SMG6: variants seen among roughly 807,000 people sequenced by gnomAD.
SMG6 encodes the protein telomerase-binding protein EST1A.
In SMG6, 66 loss-of-function variants were observed where a neutral mutation model predicts 142.2. The ratio of observed to expected loss-of-function variants is 0.46; its 90% CI spans 0.38 to 0.57. The LOEUF is 0.57. SMG6 is among the 20% of genes least tolerant of loss of function. The pLI, the probability that SMG6 is intolerant of heterozygous loss-of-function variation, is 0.00. For synonymous variants in SMG6, 779 were observed against 702.4 expected, an observed-to-expected ratio of 1.11 and a Z score of -1.72; for missense variants, 1,793 against 1,832.0, an observed-to-expected ratio of 0.98 and a Z score of 0.39.
intron 12 of SMG6, among the ~76,000 whole-genome samples, chr17:2,181,564 G>C (rs935056878): frequency 2.6e-5 from 4 of 152,234 alleles, no homozygotes; most frequent in African/African-American, 9.6e-5. Flanking sequence ...CCACAGCTAC[G>C]GTAACGTATT....
chr17:2,153,209 G>A (rs2070880936), intron 13 of SMG6, among the ~76,000 whole-genome samples: 1 of 152,188 alleles, frequency 6.6e-6, no homozygotes, highest in Non-Finnish European at 1.5e-5. Context: ...TAGTGTTAGT[G>A]TAGTCTATGT....
intron 13 of SMG6, among the ~76,000 whole-genome samples, chr17:2,086,562 C>T (rs977594887): frequency 6.6e-6 from 1 of 152,230 alleles, no homozygotes; most frequent in Non-Finnish European, 1.5e-5. Flanking sequence ...CTGACGTTTA[C>T]GCCAACCTGC....
At chr17:2,080,104 CAAAACAA>C in intron 15 of SMG6, among the ~76,000 whole-genome samples, 2 of 138,490 alleles carry the variant, frequency 1.4e-5, no homozygotes, top group Non-Finnish European at 3.1e-5. Context: ...CAAAACAAAA[CAAAACAA>C]AACAAAACAA....
intron 8 of SMG6, among the ~76,000 whole-genome samples, chr17:2,275,002 T>C (rs1434146801): frequency 3.0e-5 from 3 of 98,700 alleles, no homozygotes; most frequent in Non-Finnish European, 6.0e-5. Context: ...TAAAAAAGCA[T>C]GGGCAAAAAA....
chr17:2,087,735 A>G, intron 13 of SMG6: 1 of 986,678 alleles, frequency 1.0e-6, no homozygotes, highest in Non-Finnish European at 1.2e-6. Flanking sequence ...GCTAAAAGGC[A>G]TTAAAGAACA....
intron 13 of SMG6, among the ~76,000 whole-genome samples, chr17:2,165,315 G>A (rs559528148): frequency 6.6e-6 from 1 of 151,848 alleles, no homozygotes; most frequent in South Asian, 2.1e-4. Context: ...AGACATGAGC[G>A]ATAGCTCTGA....
chr17:2,153,708 T>G (rs1265815739), intron 13 of SMG6, among the ~76,000 whole-genome samples: 8 of 126,028 alleles, frequency 6.3e-5, no homozygotes, highest in Non-Finnish European at 1.6e-5. Flanking sequence ...AACCTGGGGA[T>G]GCATGTAGAG....
chr17:2,113,497 C>T (rs1037712329), intron 13 of SMG6, among the ~76,000 whole-genome samples: 2 of 152,168 alleles, frequency 1.3e-5, no homozygotes, highest in African/African-American at 4.8e-5. Flanking sequence ...TGAACAAAGC[C>T]GGCTTGGGAA....
chr17:2,274,945 G>T (rs2074615426), intron 8 of SMG6, among the ~76,000 whole-genome samples: 1 of 146,244 alleles, frequency 6.8e-6, no homozygotes, highest in Non-Finnish European at 1.5e-5. Context: ...AACATAGCAA[G>T]ACCTTATCTC....
chr17:2,268,911 C>CAAAAAAAA (rs150180102), intron 8 of SMG6, among the ~76,000 whole-genome samples: 1 of 106,208 alleles, frequency 9.4e-6, no homozygotes, highest in Non-Finnish European at 1.9e-5. Flanking sequence ...GACTTCGTCT[C>CAAAAAAAA]AAAAAAAAAA....
At chr17:2,111,321 A>G (rs980057656) in intron 13 of SMG6, among the ~76,000 whole-genome samples, 1 of 152,154 alleles carries the variant, frequency 6.6e-6, no homozygotes, top group African/African-American at 2.4e-5. Flanking sequence ...GCTATTTTAT[A>G]TAAGATGGTG....
At chr17:2,220,558 A>G (rs1422677466) in intron 10 of SMG6, among the ~76,000 whole-genome samples, 2 of 152,204 alleles carry the variant, frequency 1.3e-5, no homozygotes, top group African/African-American at 4.8e-5. Flanking sequence ...TGAGCCCAAG[A>G]GTTCGAGGCT....
chr17:2,088,719 C>G (rs2068633179), intron 13 of SMG6: 30 of 985,414 alleles, frequency 3.0e-5, no homozygotes, highest in Non-Finnish European at 3.4e-5. Flanking sequence ...AGTGCACAGT[C>G]TGAGCTCTTT....
chr17:2,093,679 C>T (rs774804478), intron 13 of SMG6, among the ~76,000 whole-genome samples: 1 of 152,110 alleles, frequency 6.6e-6, no homozygotes, highest in Non-Finnish European at 1.5e-5. Context: ...GCTGTTGAAG[C>T]TGCAAAAAAA....
At chr17:2,084,865 C>T (rs751252097) in intron 14 of SMG6, among the ~76,000 whole-genome samples, 2 of 152,236 alleles carry the variant, frequency 1.3e-5, no homozygotes, top group African/African-American at 4.8e-5. Flanking sequence ...CACCCAGACA[C>T]ACAGCAGGGC....
intron 13 of SMG6, among the ~76,000 whole-genome samples, chr17:2,145,216 C>T (rs2070626188): frequency 6.6e-6 from 1 of 151,830 alleles, no homozygotes; most frequent in Admixed American, 6.6e-5. Context: ...TGGGTTCAAG[C>T]GATTCTCATG....
intron 8 of SMG6, chr17:2,265,861 A>G: frequency 2.7e-6 from 1 of 363,836 alleles, no homozygotes; most frequent in Non-Finnish European, 3.8e-6. Flanking sequence ...GGAGTATGCT[A>G]TAAACAACAC....
At chr17:2,133,686 T>C (rs1055504749) in intron 13 of SMG6, among the ~76,000 whole-genome samples, 2 of 152,198 alleles carry the variant, frequency 1.3e-5, no homozygotes, top group South Asian at 2.1e-4. Flanking sequence ...TACAGGTACG[T>C]GCTAACACAT....
chr17:2,280,523 A>G (rs745731384), intron 8 of SMG6: 10 of 869,378 alleles, frequency 1.2e-5, no homozygotes, highest in South Asian at 5.3e-5. Flanking sequence ...TCGGCCTCCT[A>G]AAGTGCTGGG....
Sources: allele counts gnomAD v4.1 joint callset (sites outside exome capture counted in the v4.1 genomes callset), GRCh38; gene constraint gnomAD v4.1.1; transcripts MANE v1.5; gene names NCBI Gene and HGNC (gene_info 2026-07-23, HGNC 2026-07-21).